Variants in DBN1 observed in about 807,000 individuals in gnomAD.
The protein encoded by DBN1 is drebrin 1.
A neutral mutation model predicts 83.5 loss-of-function variants in DBN1; 21 were observed. The observed-to-expected ratio is 0.25, with a 90% CI of 0.18 to 0.36. The LOEUF (loss-of-function observed/expected upper bound fraction) is 0.36, where lower values mean the gene tolerates loss of function less well. DBN1 is among the 10% of genes least tolerant of loss of function. The probability of loss-of-function intolerance (pLI) is 1.00; values close to 1 mark genes in which losing one functional copy is unlikely to be tolerated. For missense variants in DBN1, 874 were observed against 935.7 expected (o/e 0.93, Z 0.86); for synonymous variants, 381 against 384.9 (o/e 0.99, Z 0.12).
At chr5:177,468,002 G>A in intron 3 of DBN1, 106 bp downstream of exon 3, 1 of 875,364 alleles carries the variant, frequency 1.1e-6, no homozygotes, top group Non-Finnish European at 1.9e-6. Flanking sequence ...ATACCCAGTT[G>A]ATGAGCAGCT....
Position 177,460,554 on chromosome 5 carries a change from T to A in DBN1, c.833A>T (p.Glu278Val). The A allele has an allele frequency of 3.1e-6, 5 of 1,614,184 alleles. No homozygotes were observed. Among genetic ancestry groups the A allele is most frequent in the Non-Finnish European group, 4.2e-6 (5 of 1,180,028 alleles). Residue 278 changes from glutamate to valine, a missense_variant and splice_region_variant, in exon 10 of 15, where the codon GAG becomes GTG. Physicochemically the swap from Glu to Val is moderately radical, Grantham distance 121. This residue lies in a region of DBN1 where 725 missense variants were observed against 719.7 expected (regional missense o/e 1.01). Coordinates refer to ENST00000393565, the MANE Select transcript of DBN1 (RefSeq NM_001363541.2). ...CCGCTGGGCAATAATAGCTGCTGCC[T>A]CCTGAGGGCACGAGGAAAAGGTTGG... Reference protein sequence around the residue: ...HMKKSESEVEEAAAIIAQRPD... With the variant: ...HMKKSESEVEVAAAIIAQRPD...
Position 177,467,263 on chromosome 5 carries a change from G to C in DBN1, c.547C>G (p.Gln183Glu). 1 of 1,614,154 alleles carries C rather than the reference G, an allele frequency of 6.2e-7. No homozygotes were observed. The highest frequency in any genetic ancestry group is 8.5e-7 in the Non-Finnish European group (1 of 1,179,996). The change falls in exon 6 of 15, where the codon CAG becomes GAG. Residue 183 changes from glutamine to glutamate, a missense_variant. Around this residue, in one of 4 missense-constraint regions of DBN1, gnomAD observed 725 missense variants for 719.7 expected, o/e 1.01. Coordinates refer to ENST00000393565, the MANE Select transcript of DBN1 (RefSeq NM_001363541.2). The surrounding 1 kb of genome is among the most constrained non-coding windows in gnomAD (Gnocchi z 9.1). Reference protein sequence around the residue: ...KRINREQFWEQAKKEEELRKE... With the variant: ...KRINREQFWEEAKKEEELRKE... ...GGCTCAGGGTTCCATACCTTGGCCT[G>C]CTCCCAGAACTGCTCTCGGTTAATC...
In DBN1 at chr5:177,467,899, A is replaced by C; in HGVS notation, c.256-82T>G. On this transcript the variant is annotated intron_variant, in intron 3 of 14. Coordinates refer to ENST00000393565, the MANE Select transcript of DBN1 (RefSeq NM_001363541.2). The surrounding 1 kb of genome is among the most constrained non-coding windows in gnomAD (Gnocchi z 9.1). ...TAGGGTGCATCTTCCCCGGGGTGGG[A>C]AGAGGGTGGGCTTCCCTCTCCACGG... 6.5e-7 allele frequency: 1 copy of C among 1,539,878 alleles called. No individual in the cohort carries two copies. The highest frequency in any genetic ancestry group is 8.9e-7 in the Non-Finnish European group (1 of 1,119,732).
chr5:177,473,573 C>A lies in DBN1; in HGVS notation c.-52G>T. On this transcript the variant is annotated 5_prime_UTR_variant, in exon 1 of 15. Transcript: ENST00000393565. Reference sequence around the variant, plus strand: ...ACAGACGCGCGGACGGACGGGCGGACGGAGGAGGAGGGAGGGAAAGAGGGA... The same window carrying A: ...ACAGACGCGCGGACGGACGGGCGGAAGGAGGAGGAGGGAGGGAAAGAGGGA... 2.8e-6 allele frequency: 3 copies of A among 1,074,042 alleles called. No individual in the cohort carries two copies. Among genetic ancestry groups the A allele is most frequent in the South Asian group, 2.1e-5 (1 of 47,846 alleles). The allele number at this position is 1,074,042 out of a possible 1,614,324, so 66.5% of individuals were successfully genotyped here.
chr5:177,464,728 T>C (rs1050419250), intron 8 of DBN1, among the ~76,000 whole-genome samples: 1 of 151,938 alleles, frequency 6.6e-6, no homozygotes, highest in African/African-American at 2.4e-5. Context: ...TCACCTGAGG[T>C]CAGGAGTTCA....
intron 1 of DBN1, chr5:177,472,088 T>A (rs902625322): frequency 6.3e-7 from 1 of 1,591,854 alleles, no homozygotes; most frequent in Non-Finnish European, 8.5e-7. Context: ...GCCTGCCTGC[T>A]GAGCCTGTGC....
rs1157607389 is a variant in DBN1, at chr5:177,458,209, G to A, written c.1763C>T (p.Thr588Ile). ...NFDELPEPPA[T>I]FCDPEEVEGE... ...TTCCACTTCCTCTGGGTCACAGAAG[G>A]TGGCTGGCGGCTCAGGCAGCTCATC... Residue 588 changes from threonine (T) to isoleucine (I), a missense_variant, in exon 13 of 15, where the codon ACC (threonine) becomes ATC (isoleucine). Thr to Ile is a moderately conservative substitution (Grantham distance 89). This residue lies in a region of DBN1 where 725 missense variants were observed against 719.7 expected (regional missense o/e 1.01). Coordinates refer to ENST00000393565, the MANE Select transcript of DBN1 (RefSeq NM_001363541.2). The A allele has an allele frequency of 2.5e-6, 4 of 1,612,788 alleles. No homozygotes were observed. In the Admixed American group the frequency reaches 6.7e-5, roughly 27 times the overall value.
rs1179086810 is a variant in DBN1 at position 177,466,423 on chromosome 5, C to T, written c.771+349G>A. Among the ~76,000 whole-genome samples, 6 of 152,108 alleles carry T rather than the reference C, an allele frequency of 3.9e-5. No homozygotes were observed. The highest frequency in any genetic ancestry group is 5.9e-5 in the Non-Finnish European group (4 of 68,016). ...AGCACTGGCCCAGGCTCACCCATGC[C>T]GCCTGCCTCACTCCTGTGGCCCCTC... On this transcript the variant is annotated intron_variant, in intron 8 of 14. Transcript: ENST00000393565. The surrounding 1 kb of genome is among the most constrained non-coding windows in gnomAD (Gnocchi z 4.8).
intron 1 of DBN1, 150 bp from the exon 2 acceptor site, chr5:177,469,049 T>C (rs1475681192): frequency 4.2e-6 from 2 of 478,242 alleles, no homozygotes; most frequent in Non-Finnish European, 7.4e-6. Context: ...GGGCCAGGCA[T>C]CGGTTCAGGC....
chr5:177,470,234 G>A (rs1757745113), intron 1 of DBN1, among the ~76,000 whole-genome samples: 2 of 152,158 alleles, frequency 1.3e-5, no homozygotes, highest in Non-Finnish European at 2.9e-5. Context: ...AGCACAGCTG[G>A]CCCACCACCT....
chr5:177,457,579 A>T, intron 14 of DBN1, 76 bp from the exon 15 acceptor site: 1 of 1,543,864 alleles, frequency 6.5e-7, no homozygotes, highest in South Asian at 1.1e-5. Flanking sequence ...AGCGGTGGGT[A>T]GTGGTGGGGT....
At chr5:177,458,893 C>T (rs1281677287) in intron 12 of DBN1, among the ~76,000 whole-genome samples, 186 bp from the exon 13 acceptor site, 2 of 152,214 alleles carry the variant, frequency 1.3e-5, no homozygotes, top group African/African-American at 4.8e-5. Flanking sequence ...AGGCCCGATT[C>T]CCACTTGAGA....
intron 13 of DBN1, 72 bp from the exon 14 acceptor site, chr5:177,457,829 G>A (rs1381377012): frequency 5.3e-6 from 6 of 1,132,792 alleles, no homozygotes; most frequent in African/African-American, 1.6e-5. Context: ...GCCTGAGCCC[G>A]TTTCCCCAGC....
chr5:177,469,067 C>T (rs549753937), intron 1 of DBN1, among the ~76,000 whole-genome samples, 168 bp from the exon 2 acceptor site: 1 of 152,088 alleles, frequency 6.6e-6, no homozygotes, highest in African/African-American at 2.4e-5. Context: ...GGCGGGAGCC[C>T]AGCAGGGTAC....
At position 177,467,672 on chromosome 5, in the gene DBN1, C is replaced by A; in HGVS notation, c.331-45G>T. On this transcript the variant is annotated intron_variant, in intron 4 of 14. Transcript: ENST00000393565. The surrounding 1 kb of genome is among the most constrained non-coding windows in gnomAD (Gnocchi z 9.1). ...GTGCTCAGGCGGCACCATCCTCCCG[C>A]CATCCCCACCCCAGCACGCAGACCC... 1 of 1,558,740 alleles carries A rather than the reference C, an allele frequency of 6.4e-7. No homozygotes were observed.
At position 177,459,346 on chromosome 5, in the gene DBN1, C is replaced by G. The variant is rs562104269; in HGVS notation, c.1094-78G>C. The G allele has an allele frequency of 8.7e-5, 135 of 1,547,700 alleles. 2 individuals are homozygous for G. The South Asian group carries it at 1.5e-3, about 17-fold the overall frequency. On this transcript the variant is annotated intron_variant, in intron 11 of 14. Transcript: ENST00000393565. ...AGGATTGTCCACCTTGGGGCCTGGC[C>G]AGCACCTCCTCTCTGGAATCTGGGT...
chr5:177,467,151 GC>G lies in DBN1; in HGVS notation c.556-90del, dbSNP rs1446726439. On this transcript the variant is annotated intron_variant, in intron 6 of 14. Coordinates refer to ENST00000393565, the MANE Select transcript of DBN1 (RefSeq NM_001363541.2). The surrounding 1 kb of genome is among the most constrained non-coding windows in gnomAD (Gnocchi z 9.1). Reference sequence around the variant, plus strand: ...GCCCCTCCCTAACCCAGCGCTGGGGGCGGGGCACGTGGCATGGGCCATGCCA... The same window carrying G: ...GCCCCTCCCTAACCCAGCGCTGGGGGGGGGCACGTGGCATGGGCCATGCCA... 1.2e-6 allele frequency: 2 copies of G among 1,607,036 alleles called. No individual in the cohort carries two copies. Among genetic ancestry groups the G allele is most frequent in the African/African-American group, 2.7e-5 (2 of 74,762 alleles).
At chr5:177,468,010 GCTCTGGGCCCTC>G in intron 3 of DBN1, 86 bp downstream of exon 3, 3 of 794,168 alleles carry the variant, frequency 3.8e-6, no homozygotes, top group South Asian at 1.5e-5. Context: ...TTGATGAGCA[GCTCTGGGCCCTC>G]AGCCCCCTTC....
At chr5:177,461,250 C>T (rs569172317) in intron 8 of DBN1, among the ~76,000 whole-genome samples, 2 of 151,650 alleles carry the variant, frequency 1.3e-5, no homozygotes, top group African/African-American at 4.8e-5. Flanking sequence ...AGGCGCCCGC[C>T]ACTACGCCCG....
Sources: gnomAD v4.1 joint callset for allele counts (sites outside exome capture counted in the v4.1 genomes callset) on GRCh38, gnomAD v4.1.1 for gene constraint, gnomAD v4.1.1 regional missense constraint, Gnocchi (gnomAD v3.1) non-coding constraint, MANE v1.5 for transcripts, NCBI Gene and HGNC (gene_info 2026-07-23, HGNC 2026-07-21) for gene names.